Variants in VOPP1 observed in about 807,000 individuals in gnomAD.
VOPP1 encodes the protein VOPP1 WW domain binding protein, also known as WW domain binding protein VOPP1.
In VOPP1, 8 loss-of-function variants were observed where a neutral mutation model predicts 23.5. The ratio of observed to expected loss-of-function variants is 0.34; its 90% CI spans 0.20 to 0.61. The LOEUF (loss-of-function observed/expected upper bound fraction) is 0.61. Among genes scored for constraint, VOPP1 ranks in the 20% least tolerant of loss-of-function variants. The pLI, the probability that VOPP1 is intolerant of heterozygous loss-of-function variation, is 0.78. For missense variants in VOPP1, 174 were observed against 238.1 expected (o/e 0.73, Z 1.77); for synonymous variants, 83 against 97.3 (o/e 0.85, Z 0.86).
intron 2 of VOPP1, among the ~76,000 whole-genome samples, chr7:55,505,459 A>T (rs2129030782): frequency 6.6e-6 from 1 of 152,192 alleles, no homozygotes; most frequent in East Asian, 1.9e-4. Context: ...AAGGAGGGTG[A>T]CGTGGTAAGA....
intron 4 of VOPP1, among the ~76,000 whole-genome samples, chr7:55,492,063 C>T (rs990654519): frequency 6.6e-6 from 1 of 152,176 alleles, no homozygotes; most frequent in African/African-American, 2.4e-5. Context: ...ATATGTGGCA[C>T]ACTGATAACT....
At chr7:55,503,486 G>A (rs150599819) in intron 2 of VOPP1, among the ~76,000 whole-genome samples, 1,669 of 152,310 alleles carry the variant, frequency 0.011, 11 homozygotes, top group Middle Eastern at 0.02. Context: ...TTCAGTGTTA[G>A]TAAAGTCACA....
intron 4 of VOPP1, among the ~76,000 whole-genome samples, chr7:55,447,038 C>T (rs143458393): frequency 6.6e-6 from 1 of 152,268 alleles, no homozygotes; most frequent in Non-Finnish European, 1.5e-5. Context: ...TGCCAGCAAC[C>T]CTTATCCCAT....
At chr7:55,488,815 A>G (rs1482613468) in intron 4 of VOPP1, among the ~76,000 whole-genome samples, 2 of 152,182 alleles carry the variant, frequency 1.3e-5, no homozygotes, top group Non-Finnish European at 2.9e-5. Context: ...CTGAAAATTC[A>G]CTAACACCCA....
At chr7:55,498,435 G>GGCCCTTGCCTTGC in intron 2 of VOPP1, among the ~76,000 whole-genome samples, 1 of 152,162 alleles carries the variant, frequency 6.6e-6, no homozygotes, top group South Asian at 2.1e-4. Context: ...CCTGAGCATG[G>GGCCCTTGCCTTGC]GCAGGTGAGG....
At chr7:55,538,736 T>C in intron 1 of VOPP1, 2 of 1,358,466 alleles carry the variant, frequency 1.5e-6, no homozygotes, top group Non-Finnish European at 2.0e-6. Context: ...TCATGGCCAT[T>C]CCTATAAAGG....
At chr7:55,517,168 C>T (rs1330189264) in intron 2 of VOPP1, among the ~76,000 whole-genome samples, 3 of 150,948 alleles carry the variant, frequency 2.0e-5, no homozygotes, top group Non-Finnish European at 4.4e-5. Flanking sequence ...AGGGTGGTCT[C>T]GAACTCCTGA....
chr7:55,570,163 G>A (rs1562638720), intron 1 of VOPP1, among the ~76,000 whole-genome samples: 1 of 152,132 alleles, frequency 6.6e-6, no homozygotes, highest in Non-Finnish European at 1.5e-5. Context: ...GACTTCAGAA[G>A]CATCACAGGT....
intron 1 of VOPP1, among the ~76,000 whole-genome samples, chr7:55,538,254 G>T (rs898593216): frequency 2.0e-5 from 3 of 152,186 alleles, no homozygotes; most frequent in African/African-American, 7.2e-5. Flanking sequence ...CATCCCTTAT[G>T]CAGTCCGCAC....
intron 1 of VOPP1, among the ~76,000 whole-genome samples, chr7:55,555,788 T>C (rs1033479542): frequency 1.3e-5 from 2 of 152,192 alleles, no homozygotes; most frequent in Admixed American, 1.3e-4. Flanking sequence ...AACTAAATTT[T>C]GCTCACATAG....
chr7:55,560,339 G>A lies in VOPP1; in HGVS notation c.54+11932C>T, dbSNP rs530697646. On this transcript the variant is annotated intron_variant, in intron 1 of 4. Transcript: ENST00000285279. ...AGGTGGCAAAAGGGGCTTTGCAGAC[G>A]TGATTAAGTTAAGGATCTTACAATG... Among the ~76,000 whole-genome samples, 17 of 152,308 alleles carry A rather than the reference G, an allele frequency of 1.1e-4. 1 individual carries two copies. The South Asian group carries it at 2.9e-3, about 26-fold the overall frequency.
intron 2 of VOPP1, among the ~76,000 whole-genome samples, chr7:55,513,270 GAGTGGT>G (rs1395099166): frequency 5.3e-5 from 8 of 152,290 alleles, no homozygotes; most frequent in African/African-American, 1.9e-4. Context: ...CCTCCCACTT[GAGTGGT>G]GCTCTGGAAA....
At chr7:55,561,238 C>G (rs1797974789) in intron 1 of VOPP1, among the ~76,000 whole-genome samples, 1 of 152,138 alleles carries the variant, frequency 6.6e-6, no homozygotes, top group Non-Finnish European at 1.5e-5. Context: ...CCTTTCCCCA[C>G]TGAACTTCAA....
intron 3 of VOPP1, among the ~76,000 whole-genome samples, chr7:55,497,010 C>T (rs965461675): frequency 1.3e-4 from 20 of 152,204 alleles, no homozygotes; most frequent in African/African-American, 4.8e-4. Context: ...AACAGATGCT[C>T]GGGGCACTCC....
intron 1 of VOPP1, chr7:55,521,763 T>G (rs1324170018): frequency 6.3e-5 from 61 of 969,112 alleles, no homozygotes; most frequent in South Asian, 9.4e-5. Context: ...GCAGGGTGGG[T>G]GAGTGCACAC....
intron 4 of VOPP1, among the ~76,000 whole-genome samples, chr7:55,480,809 G>T (rs965746349): frequency 6.6e-6 from 1 of 152,214 alleles, no homozygotes; most frequent in Non-Finnish European, 1.5e-5. Flanking sequence ...GTTCAACAAA[G>T]ACTGAATTCT....
intron 2 of VOPP1, among the ~76,000 whole-genome samples, chr7:55,519,650 T>G (rs1291796217): frequency 6.6e-6 from 1 of 152,206 alleles, no homozygotes; most frequent in Non-Finnish European, 1.5e-5. Flanking sequence ...GCTGTTTTAT[T>G]TTCCAAGTGG....
At chr7:55,497,574 AGC>A in intron 3 of VOPP1, 37 bp downstream of exon 3, 1 of 1,133,864 alleles carries the variant, frequency 8.8e-7, no homozygotes, top group Non-Finnish European at 1.3e-6. Context: ...GGGGGGGCAG[AGC>A]TCTCGGGGTA....
downstream of VOPP1, among the ~76,000 whole-genome samples, chr7:55,435,788 G>A (rs1376056184): frequency 6.6e-6 from 1 of 152,224 alleles, no homozygotes; most frequent in Non-Finnish European, 1.5e-5. Flanking sequence ...TTTGGAGGTG[G>A]GAAGCTCGGT....
Sources: allele counts gnomAD v4.1 joint callset (sites outside exome capture counted in the v4.1 genomes callset), GRCh38; gene constraint gnomAD v4.1.1; transcripts MANE v1.5; gene names NCBI Gene and HGNC (gene_info 2026-07-23, HGNC 2026-07-21).